Variants in SLC39A12 observed in about 807,000 individuals in gnomAD.
The protein encoded by SLC39A12 is zinc transporter ZIP12.
Under a neutral mutation model 71.1 loss-of-function variants are expected in SLC39A12, and 63 were observed. That is an observed-to-expected ratio of 0.89 (90% CI 0.72 to 1.09). The LOEUF (loss-of-function observed/expected upper bound fraction) is 1.09, where lower values mean the gene tolerates loss of function less well. Ranked by LOEUF, SLC39A12 falls within the 50% of genes least tolerant of loss-of-function variation. SLC39A12 has a pLI of 0.00. For synonymous variants in SLC39A12, 351 were observed against 301.3 expected (o/e 1.16, Z -1.71); for missense variants, 892 against 812.6 (o/e 1.10, Z -1.19).
At chr10:18,030,268 C>CTT (rs1181691438) in intron 12 of SLC39A12, among the ~76,000 whole-genome samples, 1 of 145,382 alleles carries the variant, frequency 6.9e-6, no homozygotes, top group Non-Finnish European at 1.5e-5. Flanking sequence ...TCTTTTCTTT[C>CTT]TTTTTTTTTT....
At chr10:17,960,544 T>A (rs1834661647) in intron 2 of SLC39A12, among the ~76,000 whole-genome samples, 1 of 152,246 alleles carries the variant, frequency 6.6e-6, no homozygotes, top group Non-Finnish European at 1.5e-5. Flanking sequence ...CCAGGTATTG[T>A]GCTATATGCT....
At chr10:18,038,074 T>G (rs1837113429) in intron 12 of SLC39A12, among the ~76,000 whole-genome samples, 1 of 128,098 alleles carries the variant, frequency 7.8e-6, no homozygotes, top group Non-Finnish European at 1.6e-5. Context: ...GTATGGCAAG[T>G]TATCATAGGG....
chr10:17,997,131 T>A (rs1835709287), intron 10 of SLC39A12, among the ~76,000 whole-genome samples: 1 of 152,228 alleles, frequency 6.6e-6, no homozygotes, highest in South Asian at 2.1e-4. Flanking sequence ...TCTTTCACAT[T>A]GTTTTATTCA....
chr10:17,978,182 T>G, intron 5 of SLC39A12, 108 bp downstream of exon 5: 1 of 889,994 alleles, frequency 1.1e-6, no homozygotes, highest in Non-Finnish European at 1.6e-6. Flanking sequence ...GTGTATTATC[T>G]TGAAAAGTAA....
At chr10:18,036,144 G>A (rs900987648) in intron 12 of SLC39A12, among the ~76,000 whole-genome samples, 2 of 152,254 alleles carry the variant, frequency 1.3e-5, no homozygotes, top group Non-Finnish European at 2.9e-5. Context: ...TGCAGTGGCA[G>A]GCAGGCCTCC....
intron 12 of SLC39A12, among the ~76,000 whole-genome samples, chr10:18,036,667 T>C (rs1837033151): frequency 6.7e-6 from 1 of 149,168 alleles, no homozygotes; most frequent in Admixed American, 6.8e-5. Flanking sequence ...CCATCTTGGC[T>C]CCTCCCCCGT....
At chr10:17,979,306 C>A (rs1024860100) in intron 5 of SLC39A12, among the ~76,000 whole-genome samples, 6 of 152,072 alleles carry the variant, frequency 3.9e-5, no homozygotes, top group African/African-American at 1.4e-4. Context: ...GAGCAGCAAG[C>A]GAAGACCAAG....
chr10:17,973,164 T>G (rs1252145616), intron 4 of SLC39A12, among the ~76,000 whole-genome samples: 1 of 152,172 alleles, frequency 6.6e-6, no homozygotes, highest in Non-Finnish European at 1.5e-5. Context: ...TTAAACTTTT[T>G]GTTGTTTCTA....
intron 10 of SLC39A12, among the ~76,000 whole-genome samples, chr10:17,996,925 G>T (rs1183949756): frequency 6.6e-6 from 1 of 151,578 alleles, no homozygotes; most frequent in Non-Finnish European, 1.5e-5. Flanking sequence ...GTGAACCCGG[G>T]AGGCGGAGCT....
At position 17,953,531 on chromosome 10, in the gene SLC39A12, C is replaced by G; in HGVS notation, c.255C>G (p.Cys85Trp). 6.2e-7 allele frequency: 1 copy of G among 1,614,002 alleles called. No homozygotes were observed. The highest frequency in any genetic ancestry group is 8.5e-7 in the Non-Finnish European group (1 of 1,179,982). ...PRRRNGMQGD[C>W]NLCFEPDALL... ...GGAGAAACGGAATGCAAGGAGATTG[C>G]AATCTGGTTAGTGAAATAGAATGGG... Residue 85 changes from cysteine (C) to tryptophan (W), a missense_variant, in exon 2 of 13, where the codon TGC (cysteine) becomes TGG (tryptophan). Physicochemically the swap from Cys to Trp is radical, Grantham distance 215. Transcript: ENST00000377369.
At chr10:17,965,123 C>G (rs534387508) in intron 3 of SLC39A12, among the ~76,000 whole-genome samples, 1 of 152,132 alleles carries the variant, frequency 6.6e-6, no homozygotes, top group Non-Finnish European at 1.5e-5. Context: ...AGGAGAATCG[C>G]TTGAACCCGG....
At chr10:18,010,220 C>T (rs1048695102) in intron 12 of SLC39A12, among the ~76,000 whole-genome samples, 1 of 152,164 alleles carries the variant, frequency 6.6e-6, no homozygotes, top group African/African-American at 2.4e-5. Flanking sequence ...AATCCTTTCT[C>T]CATCCAAAAG....
chr10:17,960,424 G>C (rs1213848976), intron 2 of SLC39A12, among the ~76,000 whole-genome samples: 2 of 152,068 alleles, frequency 1.3e-5, no homozygotes, highest in East Asian at 1.9e-4. Flanking sequence ...CATATTTTGG[G>C]GCAGTATGTT....
At chr10:18,038,964 A>G (rs1837142389) in intron 12 of SLC39A12, among the ~76,000 whole-genome samples, 2 of 152,134 alleles carry the variant, frequency 1.3e-5, no homozygotes, top group Non-Finnish European at 2.9e-5. Context: ...AACCAGAACC[A>G]TTTTTACTAC....
chr10:18,007,483 GT>G (rs1163369333), intron 12 of SLC39A12, among the ~76,000 whole-genome samples: 2 of 152,140 alleles, frequency 1.3e-5, no homozygotes, highest in Admixed American at 1.3e-4. Context: ...CCAAGAGAGG[GT>G]TCTTGGATCT....
intron 4 of SLC39A12, among the ~76,000 whole-genome samples, chr10:17,970,888 G>A (rs1383810281): frequency 6.6e-6 from 1 of 152,036 alleles, no homozygotes; most frequent in Admixed American, 6.6e-5. Flanking sequence ...CCAGATCTGA[G>A]AGAAAGGGCT....
chr10:17,976,160 A>G (rs1226195732), intron 4 of SLC39A12, among the ~76,000 whole-genome samples: 1 of 152,144 alleles, frequency 6.6e-6, no homozygotes, highest in Non-Finnish European at 1.5e-5. Flanking sequence ...TTTAGTTTGT[A>G]TGAAGGTGCT....
At chr10:18,034,826 C>T in intron 12 of SLC39A12, among the ~76,000 whole-genome samples, 1 of 148,134 alleles carries the variant, frequency 6.8e-6, no homozygotes, top group African/African-American at 2.5e-5. Context: ...TTCAGGAGCT[C>T]TTTTAGGGCA....
At chr10:17,969,968 T>C (rs61033808) in intron 4 of SLC39A12, among the ~76,000 whole-genome samples, 5,060 of 152,150 alleles carry the variant, frequency 0.033, 269 homozygotes, top group African/African-American at 0.12. Context: ...TTTTTGTATA[T>C]GATGAGAGAT....
Sources: gnomAD v4.1 joint callset for allele counts (sites outside exome capture counted in the v4.1 genomes callset) on GRCh38, gnomAD v4.1.1 for gene constraint, MANE v1.5 for transcripts, NCBI Gene and HGNC (gene_info 2026-07-23, HGNC 2026-07-21) for gene names.